Variants in COL11A1 observed in about 807,000 individuals in gnomAD.
COL11A1 encodes the protein collagen alpha-1(XI) chain.
A neutral mutation model predicts 265.2 loss-of-function variants in COL11A1; 74 were observed. The ratio of observed to expected loss-of-function variants is 0.28; its 90% confidence interval spans 0.23 to 0.34. COL11A1 has a LOEUF of 0.34. Ranked by LOEUF, COL11A1 falls within the 10% of genes least tolerant of loss-of-function variation. The probability of loss-of-function intolerance (pLI) is 1.00; values close to 1 mark genes in which losing one functional copy is unlikely to be tolerated. For missense variants in COL11A1, 2,165 were observed against 2,263.6 expected (o/e 0.96, Z 0.88); for synonymous variants, 816 against 727.6 (o/e 1.12, Z -1.96).
intron 41 of COL11A1, among the ~76,000 whole-genome samples, chr1:102,947,904 TTTTTA>T (rs1477507559): frequency 3.3e-5 from 5 of 151,862 alleles, no homozygotes; most frequent in African/African-American, 9.6e-5. Context: ...ACAATTTATC[TTTTTA>T]TTTTATGTTT....
chr1:102,976,755 G>T (rs1382083827), intron 35 of COL11A1, among the ~76,000 whole-genome samples: 1 of 151,930 alleles, frequency 6.6e-6, no homozygotes, highest in Non-Finnish European at 1.5e-5. Flanking sequence ...ATTTTAATAT[G>T]TCCTAAATAT....
rs1673975434 is a variant in COL11A1 at position 103,098,541 on chromosome 1, T to G, written c.106+9532A>C. Reference sequence around the variant, plus strand: ...AGCCACGGACCCCAGTCCTCTTGACTTTATTGAAAATATCTTGCTTATGAG... The same window carrying G: ...AGCCACGGACCCCAGTCCTCTTGACGTTATTGAAAATATCTTGCTTATGAG... On this transcript the variant is annotated intron_variant, in intron 1 of 66. Transcript: ENST00000370096. Among the ~76,000 whole-genome samples the G allele has an allele frequency of 3.9e-5, 6 of 152,012 alleles. No individual in the cohort carries two copies. The South Asian group carries it at 8.3e-4, about 21-fold the overall frequency.
intron 7 of COL11A1, among the ~76,000 whole-genome samples, chr1:103,024,055 T>C (rs1291779580): frequency 6.6e-6 from 1 of 152,170 alleles, no homozygotes; most frequent in Non-Finnish European, 1.5e-5. Flanking sequence ...AGAATAAACC[T>C]GAATCCGACT....
intron 38 of COL11A1, among the ~76,000 whole-genome samples, chr1:102,963,050 G>A (rs938529578): frequency 3.9e-5 from 6 of 152,124 alleles, no homozygotes; most frequent in African/African-American, 1.2e-4. Flanking sequence ...AGTGTGGCCA[G>A]TCCAAGTATT....
intron 41 of COL11A1, among the ~76,000 whole-genome samples, chr1:102,956,409 T>C (rs1212274162): frequency 6.6e-6 from 1 of 152,192 alleles, no homozygotes; most frequent in Non-Finnish European, 1.5e-5. Flanking sequence ...TTCAGTTTAA[T>C]AGATTGTCTG....
chr1:103,088,731 G>T (rs1673070588), intron 1 of COL11A1, among the ~76,000 whole-genome samples: 1 of 152,148 alleles, frequency 6.6e-6, no homozygotes, highest in South Asian at 2.1e-4. Flanking sequence ...ATAAATAGGA[G>T]TTCCTCAGTG....
chr1:102,975,743 C>T (rs1262220873), intron 35 of COL11A1, among the ~76,000 whole-genome samples: 1 of 151,904 alleles, frequency 6.6e-6, no homozygotes, highest in African/African-American at 2.4e-5. Context: ...TTAAGTAATA[C>T]ATTTAGGGTA....
At chr1:102,923,554 C>T (rs1656232688) in intron 46 of COL11A1, among the ~76,000 whole-genome samples, 165 bp from the exon 47 acceptor site, 3 of 152,084 alleles carry the variant, frequency 2.0e-5, no homozygotes, top group African/African-American at 7.2e-5. Context: ...ATGTTGACCA[C>T]ATGTGATAAA....
At chr1:102,979,974 A>G (rs1662884669) in intron 31 of COL11A1, among the ~76,000 whole-genome samples, 2 of 152,160 alleles carry the variant, frequency 1.3e-5, no homozygotes. Context: ...TTTGAATACA[A>G]CTATATCTAG....
chr1:102,953,541 A>G (rs1966958), intron 41 of COL11A1, among the ~76,000 whole-genome samples: 143,370 of 152,242 alleles, frequency 0.94, 67,657 homozygotes, highest in East Asian at 1. Context: ...TTTTAGTCAT[A>G]TTTAATATAA....
In COL11A1 at chr1:102,878,002, T is replaced by C. The variant is rs190728953; in HGVS notation, c.*17A>G. The C allele has an allele frequency of 1.7e-3, 2,725 of 1,613,018 alleles. 4 individuals are homozygous for C. Among genetic ancestry groups the C allele is most frequent in the Non-Finnish European group, 2.0e-3 (2,414 of 1,179,262 alleles). On this transcript the variant is annotated 3_prime_UTR_variant, in exon 67 of 67. Transcript: ENST00000370096. ...AGGTATATTTTCTGTTGATTTGATA[T>C]GTTCTTTGTCTTAATCTTAGCCAAG...
chr1:102,991,452 C>T (rs1570964388), intron 28 of COL11A1, among the ~76,000 whole-genome samples: 1 of 122,122 alleles, frequency 8.2e-6, no homozygotes, highest in Non-Finnish European at 1.9e-5. Context: ...CGTGATCTAG[C>T]CCTTCTTCAC....
intron 12 of COL11A1, 71 bp from the exon 13 acceptor site, chr1:103,014,665 T>C (rs1459607906): frequency 1.5e-6 from 2 of 1,302,996 alleles, no homozygotes; most frequent in African/African-American, 1.5e-5. Flanking sequence ...GCTTTGATCA[T>C]TAGATAAAAA....
At chr1:102,890,887 A>AT (rs1233273039) in intron 57 of COL11A1, among the ~76,000 whole-genome samples, 8 of 151,506 alleles carry the variant, frequency 5.3e-5, no homozygotes, top group Non-Finnish European at 1.5e-5. Flanking sequence ...TTTTAGTAAC[A>AT]TTTTTGAAAA....
rs756405748 is a variant in COL11A1, at chr1:103,017,859, T to C, written c.1374A>G (p.Leu458=). The change falls in exon 11 of 67, where the codon CTA becomes CTG. Residue 458 remains leucine (L), a synonymous_variant. Transcript: ENST00000370096. ...CACCAGGGGGTCCAGTGGGGCCTTG[T>C]AGACCTGGAGGACCCATAATACCCT... The part of the protein sequence containing the change: ...GPAGIMGPPG[L]QGPTGPPGDP... The C allele has an allele frequency of 1.2e-6, 2 of 1,613,212 alleles. No homozygotes were observed. Among genetic ancestry groups the C allele is most frequent in the Non-Finnish European group, 1.7e-6 (2 of 1,179,252 alleles).
intron 2 of COL11A1, among the ~76,000 whole-genome samples, chr1:103,079,760 G>T (rs546942049): frequency 6.6e-6 from 1 of 151,910 alleles, no homozygotes; most frequent in South Asian, 2.1e-4. Context: ...TAGTTGAAAA[G>T]TTGTCTTTTT....
chr1:102,898,509 TGAA>T (rs1652735615), intron 56 of COL11A1, among the ~76,000 whole-genome samples, 154 bp downstream of exon 56: 1 of 152,090 alleles, frequency 6.6e-6, no homozygotes, highest in South Asian at 2.1e-4. Flanking sequence ...CTTAAATATA[TGAA>T]GAATATCTTT....
intron 46 of COL11A1, among the ~76,000 whole-genome samples, chr1:102,934,053 C>T (rs937455513): frequency 3.9e-5 from 6 of 152,004 alleles, no homozygotes; most frequent in Non-Finnish European, 2.9e-5. Context: ...CTGTATTCTG[C>T]GTCGCTCACG....
intron 66 of COL11A1, among the ~76,000 whole-genome samples, chr1:102,878,503 T>TATATATATATATATA (rs1553191037): frequency 2.0e-3 from 258 of 127,124 alleles, no homozygotes; most frequent in South Asian, 3.3e-3. Context: ...TATATATATA[T>TATATATATATATATA]TCTTTTTCTT....
Sources: allele counts gnomAD v4.1 joint callset (sites outside exome capture counted in the v4.1 genomes callset), GRCh38; gene constraint gnomAD v4.1.1; transcripts MANE v1.5; gene names NCBI Gene and HGNC (gene_info 2026-07-23, HGNC 2026-07-21).